SOS1: variants seen among roughly 807,000 people sequenced by gnomAD.
SOS1 encodes SOS Ras/Rac guanine nucleotide exchange factor 1.
SOS1 carries 25 observed loss-of-function variants against 157.6 expected under a neutral mutation model. The observed-to-expected ratio is 0.16, with a 90% CI of 0.12 to 0.22. The LOEUF is 0.22. Ranked by LOEUF, SOS1 falls within the 10% of genes least tolerant of loss-of-function variation. SOS1 has a pLI of 1.00. For synonymous variants in SOS1, 528 were observed against 534.0 expected (o/e 0.99, Z 0.16); for missense variants, 1,237 against 1,599.1 (o/e 0.77, Z 3.86).
In SOS1 at chr2:39,031,930, T is replaced by C. The variant is rs78569686; in HGVS notation, c.1074+3282A>G. Among the ~76,000 whole-genome samples, 802 of 152,282 alleles carry C rather than the reference T, an allele frequency of 5.3e-3. 12 individuals carry two copies. The highest frequency in any genetic ancestry group is 0.018 in the African/African-American group (751 of 41,564). On this transcript the variant is annotated intron_variant, in intron 8 of 22. Coordinates refer to ENST00000402219, the MANE Select transcript of SOS1 (RefSeq NM_005633.4). ...ACTTTTCAAGTTAAAGAGTGAAGACTTGACTGCTATCTTTAACTGCTGAAG... is the reference window on the plus strand; with the variant it reads ...ACTTTTCAAGTTAAAGAGTGAAGACCTGACTGCTATCTTTAACTGCTGAAG...
intron 6 of SOS1, among the ~76,000 whole-genome samples, chr2:39,047,694 A>T (rs1354973093): frequency 6.6e-6 from 1 of 152,152 alleles, no homozygotes; most frequent in Non-Finnish European, 1.5e-5. Context: ...TCTTTTCCAG[A>T]CAGTCTCGCT....
chr2:39,122,558 C>T (rs904780298), upstream of SOS1, among the ~76,000 whole-genome samples: 2 of 151,700 alleles, frequency 1.3e-5, no homozygotes, highest in African/African-American at 4.8e-5. Context: ...CATTTGAGTT[C>T]AGGAGTTTGA....
chr2:39,068,963 C>G (rs755205225), intron 1 of SOS1, among the ~76,000 whole-genome samples: 1 of 152,080 alleles, frequency 6.6e-6, no homozygotes, highest in Non-Finnish European at 1.5e-5. Context: ...ACAGTACTCA[C>G]TGGCTCAGAG....
At chr2:39,118,815 T>C (rs115980991) in intron 1 of SOS1, among the ~76,000 whole-genome samples, 1,897 of 152,346 alleles carry the variant, frequency 0.012, 22 homozygotes, top group Middle Eastern at 0.065. Flanking sequence ...CCAAACAAAA[T>C]GCTTTTGTGG....
At chr2:39,018,982 G>T (rs987998904) in intron 10 of SOS1, among the ~76,000 whole-genome samples, 1 of 151,742 alleles carries the variant, frequency 6.6e-6, no homozygotes, top group African/African-American at 2.4e-5. Context: ...TTGTTCAAAA[G>T]ATTTAAATAA....
At chr2:39,072,524 T>G (rs1257460493) in intron 1 of SOS1, among the ~76,000 whole-genome samples, 1 of 152,014 alleles carries the variant, frequency 6.6e-6, no homozygotes, top group Non-Finnish European at 1.5e-5. Context: ...TTATGTAGAG[T>G]TGTATATAGC....
At chr2:39,031,381 A>G (rs1213691236) in intron 8 of SOS1, among the ~76,000 whole-genome samples, 1 of 152,170 alleles carries the variant, frequency 6.6e-6, no homozygotes, top group East Asian at 1.9e-4. Flanking sequence ...ATAAGGAACA[A>G]AGAAAAAGTT....
At chr2:39,087,204 G>A (rs1264673830) in intron 1 of SOS1, among the ~76,000 whole-genome samples, 1 of 152,134 alleles carries the variant, frequency 6.6e-6, no homozygotes, top group East Asian at 1.9e-4. Flanking sequence ...CAGAATCATA[G>A]ATCTGCTTTA....
chr2:39,024,608 C>T (rs751908113), intron 8 of SOS1, among the ~76,000 whole-genome samples: 11 of 151,818 alleles, frequency 7.2e-5, no homozygotes, highest in Non-Finnish European at 1.5e-4. Context: ...GAAGGAATCT[C>T]AATTACAAAA....
At chr2:39,100,552 C>G (rs1240465230) in intron 1 of SOS1, among the ~76,000 whole-genome samples, 1 of 152,098 alleles carries the variant, frequency 6.6e-6, no homozygotes, top group Non-Finnish European at 1.5e-5. Flanking sequence ...GTAAAATAAG[C>G]CAGACACTGA....
At chr2:39,031,441 T>C (rs1428181075) in intron 8 of SOS1, among the ~76,000 whole-genome samples, 2 of 152,268 alleles carry the variant, frequency 1.3e-5, no homozygotes, top group East Asian at 1.9e-4. Context: ...CTTTAAAATA[T>C]TGGTCAGGCC....
At chr2:39,089,198 CAAGA>C (rs1467136243) in intron 1 of SOS1, among the ~76,000 whole-genome samples, 1 of 152,084 alleles carries the variant, frequency 6.6e-6, no homozygotes, top group African/African-American at 2.4e-5. Context: ...AAGAAACGAG[CAAGA>C]AAGTTGACTC....
chr2:39,030,945 G>A (rs886608333), intron 8 of SOS1, among the ~76,000 whole-genome samples: 2 of 152,068 alleles, frequency 1.3e-5, no homozygotes, highest in Non-Finnish European at 2.9e-5. Flanking sequence ...AGGCAAAGAC[G>A]GGAGTGATGG....
chr2:39,099,447 G>A (rs1347313406), intron 1 of SOS1, among the ~76,000 whole-genome samples: 4 of 152,166 alleles, frequency 2.6e-5, no homozygotes, highest in Non-Finnish European at 5.9e-5. Flanking sequence ...CTGGAGGTTT[G>A]GAGGATGATG....
At chr2:39,011,537 G>T (rs575556809) in intron 14 of SOS1, among the ~76,000 whole-genome samples, 4 of 152,002 alleles carry the variant, frequency 2.6e-5, no homozygotes, top group Non-Finnish European at 4.4e-5. Flanking sequence ...TTCAGTGGGA[G>T]ATCTATAAAT....
rs532390411 is a variant in SOS1, at chr2:39,075,655, T to C, written c.88-7902A>G. On this transcript the variant is annotated intron_variant, in intron 1 of 22. Coordinates refer to ENST00000402219, the MANE Select transcript of SOS1 (RefSeq NM_005633.4). ...TCCATCTCAAAATATTATAATAAATTTTTTAAATTAAAAAAATAAAAAACA... is the reference window on the plus strand; with the variant it reads ...TCCATCTCAAAATATTATAATAAATCTTTTAAATTAAAAAAATAAAAAACA... Among the ~76,000 whole-genome samples the C allele has an allele frequency of 3.3e-5, 5 of 151,122 alleles. No homozygotes were observed. The East Asian group carries it at 9.7e-4, about 29-fold the overall frequency.
In SOS1 at chr2:39,013,651, T is replaced by TA. The variant is rs1669536885; in HGVS notation, c.2064-89dup. On this transcript the variant is annotated intron_variant, in intron 12 of 22. Transcript: ENST00000402219. ...CAGTACAATACAAATGAAAATGCAG[T>TA]AACTCTTACCAAATTAATCTTATCA... 6 of 999,064 alleles carry TA rather than the reference T, an allele frequency of 6.0e-6. No individual in the cohort carries two copies. The South Asian group carries it at 7.7e-5, about 13-fold the overall frequency. 61.9% of individuals were successfully genotyped at this position (999,064 alleles called of 1,614,324 possible).
At position 38,985,876 on chromosome 2, in the gene SOS1, G is replaced by A. The variant is rs2124454104; in HGVS notation, c.3950C>T (p.Pro1317Leu). The A allele has an allele frequency of 6.2e-7, 1 of 1,613,908 alleles. No individual in the cohort carries two copies. Among genetic ancestry groups the A allele is most frequent in the Non-Finnish European group, 8.5e-7 (1 of 1,179,842 alleles). ...TGGTGGTCCATCTCTGTGCATGGAT[G>A]GGTGTGTGTGCTCCCTTTTGTAAGT... ...PKTYKREHTHPSMHRDGPPLL... is the reference protein window; with the variant it reads ...PKTYKREHTHLSMHRDGPPLL... The change falls in exon 23 of 23, where the codon CCA (proline) becomes CTA (leucine). Residue 1317 changes from proline to leucine, a missense_variant. Pro to Leu is a moderately conservative substitution (Grantham distance 98). Transcript: ENST00000402219.
At chr2:39,023,902 A>C (rs1408189022) in intron 9 of SOS1, 108 bp downstream of exon 9, 2 of 777,380 alleles carry the variant, frequency 2.6e-6, no homozygotes, top group African/African-American at 3.5e-5. Context: ...CAGGCTTGTC[A>C]CTAAAACTAT....
Sources: allele counts gnomAD v4.1 joint callset (sites outside exome capture counted in the v4.1 genomes callset), GRCh38; gene constraint gnomAD v4.1.1; transcripts MANE v1.5; gene names NCBI Gene and HGNC (gene_info 2026-07-23, HGNC 2026-07-21).